Variants in ITPR1 observed in about 807,000 individuals in gnomAD.
ITPR1 encodes inositol 1,4,5-trisphosphate-gated calcium channel ITPR1.
In ITPR1, 96 loss-of-function variants were observed where a neutral mutation model predicts 318.4. That is an observed-to-expected ratio of 0.30 (90% CI 0.26 to 0.36). ITPR1 has a LOEUF of 0.36. Ranked by LOEUF, ITPR1 falls within the 10% of genes least tolerant of loss-of-function variation. The pLI, the probability that ITPR1 is intolerant of heterozygous loss-of-function variation, is 1.00. For missense variants in ITPR1, 2,440 were observed against 3,460.2 expected, an observed-to-expected ratio of 0.71 and a Z score of 7.40; for synonymous variants, 1,312 against 1,289.9, an observed-to-expected ratio of 1.02 and a Z score of -0.37.
At chr3:4,780,107 C>G (rs2046732284) in intron 49 of ITPR1, among the ~76,000 whole-genome samples, 1 of 151,968 alleles carries the variant, frequency 6.6e-6, no homozygotes, top group Non-Finnish European at 1.5e-5. Context: ...CTGCACTTTC[C>G]TGATCCATAA....
At chr3:4,693,831 G>T (rs1454645310) in intron 33 of ITPR1, 90 bp downstream of exon 33, 5 of 1,403,672 alleles carry the variant, frequency 3.6e-6, no homozygotes, top group Admixed American at 2.1e-5. Flanking sequence ...TGGCTGGCCT[G>T]GGGGAGCCCT....
chr3:4,588,712 C>G (rs1190750249), intron 4 of ITPR1, among the ~76,000 whole-genome samples: 2 of 152,106 alleles, frequency 1.3e-5, no homozygotes, highest in East Asian at 3.9e-4. Context: ...AGTGACACTT[C>G]CACTTGAATG....
chr3:4,591,697 T>C (rs1041927015), intron 4 of ITPR1, among the ~76,000 whole-genome samples: 1 of 152,228 alleles, frequency 6.6e-6, no homozygotes, highest in Non-Finnish European at 1.5e-5. Flanking sequence ...GACTTTTCAT[T>C]TACCCTGATC....
intron 10 of ITPR1, among the ~76,000 whole-genome samples, chr3:4,651,493 C>G: frequency 6.6e-6 from 1 of 152,320 alleles, no homozygotes; most frequent in East Asian, 1.9e-4. Flanking sequence ...TGTTTGTTTC[C>G]CTATTCTCAG....
chr3:4,499,264 G>T (rs766362053), intron 2 of ITPR1, among the ~76,000 whole-genome samples: 7 of 152,110 alleles, frequency 4.6e-5, no homozygotes, highest in Non-Finnish European at 7.4e-5. Context: ...AGAGATTAGG[G>T]TTTCAGGCTT....
chr3:4,612,446 A>C (rs984582489), intron 4 of ITPR1, among the ~76,000 whole-genome samples: 3 of 152,182 alleles, frequency 2.0e-5, no homozygotes, highest in Non-Finnish European at 4.4e-5. Context: ...ACCAAAGGAC[A>C]ATGGCAGTAC....
rs1430750008 is a variant in ITPR1 at position 4,730,410 on chromosome 3, TGTGTGTGTG to T, written c.5221-2677_5221-2669del. Among the ~76,000 whole-genome samples, 984 of 145,688 alleles carry T rather than the reference TGTGTGTGTG, an allele frequency of 6.8e-3. 18 individuals carry two copies. The highest frequency in any genetic ancestry group is 0.021 in the Middle Eastern group (6 of 286). On this transcript the variant is annotated intron_variant, in intron 42 of 61. Transcript: ENST00000649015. ...GTGTGTGTGTGTGTGTGTGTGTGTG[TGTGTGTGTG>T]TTTCCCCCAGAATGAGCACATTTCA...
chr3:4,778,347 G>A (rs566142177), intron 48 of ITPR1, among the ~76,000 whole-genome samples: 2 of 152,244 alleles, frequency 1.3e-5, no homozygotes, highest in South Asian at 2.1e-4. Context: ...CTGCCCATCC[G>A]CAGCAGCGAG....
At position 4,623,932 on chromosome 3, in the gene ITPR1, T is replaced by C. The variant is rs1247409923; in HGVS notation, c.164-3831T>C. On this transcript the variant is annotated intron_variant, in intron 4 of 61. Transcript: ENST00000649015. ...TGATGTGGAAGTTGGAGCAAGGCTT[T>C]GGTTGGATTGATGTTATTTAAATAC... is the stretch of plus-strand genomic sequence containing the variant. Among the ~76,000 whole-genome samples, 17 of 152,242 alleles carry C rather than the reference T, an allele frequency of 1.1e-4. 1 individual carries two copies. The highest frequency in any genetic ancestry group is 1.1e-3 in the Admixed American group (17 of 15,286).
chr3:4,737,160 C>A (rs961931807), intron 44 of ITPR1, among the ~76,000 whole-genome samples: 1 of 151,986 alleles, frequency 6.6e-6, no homozygotes, highest in Non-Finnish European at 1.5e-5. Context: ...TTATTCCTTC[C>A]CTTCCCCAAA....
chr3:4,634,410 C>G (rs1373341398), intron 5 of ITPR1, among the ~76,000 whole-genome samples: 2 of 151,912 alleles, frequency 1.3e-5, no homozygotes, highest in Admixed American at 6.6e-5. Context: ...TGGGGTTTTG[C>G]CACATTGCCC....
At chr3:4,616,329 G>A (rs1327458510) in intron 4 of ITPR1, among the ~76,000 whole-genome samples, 1 of 152,064 alleles carries the variant, frequency 6.6e-6, no homozygotes, top group Non-Finnish European at 1.5e-5. Context: ...GTTTGAATTG[G>A]GTTAGTTCTT....
At chr3:4,558,193 A>T (rs1423932908) in intron 4 of ITPR1, among the ~76,000 whole-genome samples, 4 of 152,208 alleles carry the variant, frequency 2.6e-5, no homozygotes, top group Non-Finnish European at 4.4e-5. Flanking sequence ...TTAATTGGAC[A>T]TACAGCTACC....
chr3:4,792,219 C>T lies in ITPR1; in HGVS notation c.6809-2846C>T, dbSNP rs76678520. Among the ~76,000 whole-genome samples, 139 of 152,294 alleles carry T rather than the reference C, an allele frequency of 9.1e-4. 1 individual carries two copies. The highest frequency in any genetic ancestry group is 3.2e-3 in the African/African-American group (133 of 41,564). Reference sequence around the variant, plus strand: ...ACCTACCTAGATAATCCAAGACAACCTCCCCACCTCACATCCTTAACCTAA... The same window carrying T: ...ACCTACCTAGATAATCCAAGACAACTTCCCCACCTCACATCCTTAACCTAA... On this transcript the variant is annotated intron_variant, in intron 52 of 61. Transcript: ENST00000649015.
At chr3:4,741,167 T>A (rs74519297) in intron 44 of ITPR1, among the ~76,000 whole-genome samples, 4,966 of 152,254 alleles carry the variant, frequency 0.033, 284 homozygotes, top group African/African-American at 0.11. Context: ...TTACCTGGAA[T>A]GAAGAGGAGG....
rs188845391 is a variant in ITPR1 at position 4,790,757 on chromosome 3, G to A, written c.6808+2618G>A. On this transcript the variant is annotated intron_variant, in intron 52 of 61. Coordinates refer to ENST00000649015, the MANE Select transcript of ITPR1 (RefSeq NM_001378452.1). ...AGGACTCAGACACGTAGTGAGATCC[G>A]TCTGAGACTGATGGGGCTTAGTATT... is the stretch of plus-strand genomic sequence containing the variant. 2.6e-3 allele frequency among the ~76,000 whole-genome samples: 396 copies of A among 152,272 alleles called. 1 individual carries two copies. The highest frequency in any genetic ancestry group is 0.01 in the Middle Eastern group (3 of 294).
At chr3:4,796,201 G>A (rs529453312) in intron 53 of ITPR1, among the ~76,000 whole-genome samples, 1 of 152,144 alleles carries the variant, frequency 6.6e-6, no homozygotes, top group Non-Finnish European at 1.5e-5. Flanking sequence ...TTACCCTTTT[G>A]AGGAGTTAGC....
intron 44 of ITPR1, among the ~76,000 whole-genome samples, chr3:4,756,904 T>G (rs372648384): frequency 1.3e-5 from 2 of 152,240 alleles, no homozygotes; most frequent in African/African-American, 2.4e-5. Context: ...GTTAGACAAC[T>G]GTAGCACCTT....
At chr3:4,687,783 G>A (rs570543660) in intron 30 of ITPR1, among the ~76,000 whole-genome samples, 1 of 152,336 alleles carries the variant, frequency 6.6e-6, no homozygotes, top group South Asian at 2.1e-4. Context: ...AAATGCCAGG[G>A]AGGGTATTAT....
Sources: gnomAD v4.1 joint callset for allele counts (sites outside exome capture counted in the v4.1 genomes callset) on GRCh38, gnomAD v4.1.1 for gene constraint, MANE v1.5 for transcripts, NCBI Gene and HGNC (gene_info 2026-07-23, HGNC 2026-07-21) for gene names.